The following TKT variants were observed in gnomAD, a reference collection of about 807,000 sequenced individuals.
TKT encodes the protein epididymis luminal protein 107.
Under a neutral mutation model 63.9 loss-of-function variants are expected in TKT, and 47 were observed. The ratio of observed to expected loss-of-function variants is 0.74; its 90% CI spans 0.58 to 0.94. The LOEUF is 0.94. TKT is among the 40% of genes least tolerant of loss of function. The pLI is 0.00. For missense variants in TKT, 721 were observed against 846.2 expected (o/e 0.85, Z 1.84); for synonymous variants, 338 against 334.1 (o/e 1.01, Z -0.13).
chr3:53,232,463 C>T (rs781929807), intron 6 of TKT: 14 of 398,838 alleles, frequency 3.5e-5, no homozygotes, highest in East Asian at 2.1e-4. Flanking sequence ...GCAGGGAAGC[C>T]GACCCAGGCC....
intron 1 of TKT, among the ~76,000 whole-genome samples, chr3:53,246,005 C>A (rs549582833): frequency 6.6e-6 from 1 of 152,226 alleles, no homozygotes; most frequent in East Asian, 1.9e-4. Context: ...CAGTGGCTCA[C>A]ACCTGTAATC....
chr3:53,229,625 G>A (rs549008203), intron 8 of TKT, among the ~76,000 whole-genome samples, 189 bp from the exon 9 acceptor site: 3 of 152,284 alleles, frequency 2.0e-5, no homozygotes, highest in Non-Finnish European at 4.4e-5. Flanking sequence ...GGGGTCCGAG[G>A]GCAGCAGCCT....
chr3:53,252,701 T>C (rs1292744395), intron 1 of TKT, among the ~76,000 whole-genome samples: 1 of 152,186 alleles, frequency 6.6e-6, no homozygotes, highest in Admixed American at 6.5e-5. Context: ...TCCACTCTTT[T>C]GGAGCACCCT....
At chr3:53,231,590 C>A in intron 6 of TKT, 40 bp from the exon 7 acceptor site, 1 of 1,576,152 alleles carries the variant, frequency 6.3e-7, no homozygotes. Context: ...ATGGGTAAGA[C>A]AGAAGCTCCC....
chr3:53,248,364 C>T (rs1218390658), intron 1 of TKT, among the ~76,000 whole-genome samples: 2 of 152,154 alleles, frequency 1.3e-5, no homozygotes, highest in African/African-American at 4.8e-5. Flanking sequence ...AAGGGCTGGG[C>T]GTGGTGGCTC....
At chr3:53,229,951 T>C (rs1450315539) in intron 8 of TKT, among the ~76,000 whole-genome samples, 3 of 152,176 alleles carry the variant, frequency 2.0e-5, no homozygotes, top group African/African-American at 4.8e-5. Flanking sequence ...TTTGAAAACA[T>C]GGACAAAACA....
At chr3:53,234,752 C>T (rs1553678085) in intron 5 of TKT, 2 of 428,920 alleles carry the variant, frequency 4.7e-6, no homozygotes, top group Non-Finnish European at 8.2e-6. Context: ...GCCACCATGC[C>T]ACAACCACGA....
rs1188021380 is a variant in TKT at position 53,226,783 on chromosome 3, G to A, written c.1669C>T (p.Leu557Phe). Residue 557 changes from leucine (L) to phenylalanine (F), a missense_variant, in exon 13 of 14, where the codon CTC (leucine) becomes TTC (phenylalanine). Physicochemically the swap from Leu to Phe is conservative, Grantham distance 22. Transcript: ENST00000462138. ...DSARATKGRI[L>F]TVEDHYYEGG... is the part of the protein sequence containing the mutation. ...TCATAATAATGGTCCTCCACGGTGAGGATCCTGCCCTTGGTGGCACGAGCG... is the reference window on the plus strand; with the variant it reads ...TCATAATAATGGTCCTCCACGGTGAAGATCCTGCCCTTGGTGGCACGAGCG... 1 of 1,614,074 alleles carries A rather than the reference G, an allele frequency of 6.2e-7. No individual in the cohort carries two copies. Among genetic ancestry groups the A allele is most frequent in the African/African-American group, 1.3e-5 (1 of 74,942 alleles).
At chr3:53,254,644 A>C (rs1162461972) in intron 1 of TKT, among the ~76,000 whole-genome samples, 1 of 152,186 alleles carries the variant, frequency 6.6e-6, no homozygotes, top group Non-Finnish European at 1.5e-5. Context: ...ATGAGCCCGG[A>C]GCACTGCTGG....
rs574752634 is a variant in TKT, at chr3:53,255,235, AG to A, written c.107+600del. Reference sequence around the variant, plus strand: ...CCCAGGGGTGGCAGGAGACAGGGGTAGGGGAGCGTAGTCTGAGGTGGGGAGA... The same window carrying A: ...CCCAGGGGTGGCAGGAGACAGGGGTAGGGAGCGTAGTCTGAGGTGGGGAGA... On this transcript the variant is annotated intron_variant, in intron 1 of 13. Coordinates refer to ENST00000462138, the MANE Select transcript of TKT (RefSeq NM_001064.4). 3.1e-3 allele frequency among the ~76,000 whole-genome samples: 465 copies of A among 152,298 alleles called. 2 individuals are homozygous for A. Among genetic ancestry groups the A allele is most frequent in the African/African-American group, 0.011 (448 of 41,584 alleles).
intron 1 of TKT, among the ~76,000 whole-genome samples, chr3:53,251,693 C>T (rs1553681672): frequency 6.6e-6 from 1 of 152,222 alleles, no homozygotes; most frequent in East Asian, 1.9e-4. Context: ...CAAAGCTAGA[C>T]ATGGTAGCAC....
chr3:53,245,646 G>A lies in TKT; in HGVS notation c.108-3404C>T, dbSNP rs557030510. On this transcript the variant is annotated intron_variant, in intron 1 of 13. Coordinates refer to ENST00000462138, the MANE Select transcript of TKT (RefSeq NM_001064.4). ...CTAAAAATACAAAAATTAGCCGGGC[G>A]TGGTGGCACATGCCTATAATCCCAG... is the stretch of plus-strand genomic sequence containing the variant. 1.6e-4 allele frequency among the ~76,000 whole-genome samples: 24 copies of A among 152,104 alleles called. No homozygotes were observed. The South Asian group carries it at 4.1e-3, about 26-fold the overall frequency.
intron 6 of TKT, chr3:53,232,078 C>T (rs1052287976): frequency 5.8e-6 from 2 of 344,768 alleles, no homozygotes; most frequent in African/African-American, 2.1e-5. Context: ...CCCCATGGCA[C>T]CTTGTTGTGT....
intron 1 of TKT, among the ~76,000 whole-genome samples, chr3:53,252,638 C>A (rs782751516): frequency 2.0e-5 from 3 of 152,050 alleles, no homozygotes; most frequent in Admixed American, 6.6e-5. Flanking sequence ...GGGGTAACGG[C>A]GGTGAGGAAA....
chr3:53,231,464 G>A lies in TKT; in HGVS notation c.835C>T (p.Gln279Ter). Reference sequence around the variant, plus strand: ...GTTGCCAGGATCTTCTTTTTGCTCTGGATCTGGCTGTAGATCTCCTGGATG... The same window carrying A: ...GTTGCCAGGATCTTCTTTTTGCTCTAGATCTGGCTGTAGATCTCCTGGATG... Reference protein sequence around the residue: ...QIIQEIYSQIQSKKKILATPP... With the variant: ...QIIQEIYSQI Residue 279 changes from glutamine (Q) to a stop codon, truncating the protein, a stop_gained, in exon 7 of 14, where the codon CAG becomes TAG. Transcript: ENST00000462138. LOFTEE classifies it high-confidence loss of function. 6.2e-7 allele frequency: 1 copy of A among 1,614,178 alleles called. No individual in the cohort carries two copies. Among genetic ancestry groups the A allele is most frequent in the Non-Finnish European group, 8.5e-7 (1 of 1,180,030 alleles).
chr3:53,229,299 G>C lies in TKT; in HGVS notation c.1245C>G (p.Ser415=). 2 of 1,614,042 alleles carry C rather than the reference G, an allele frequency of 1.2e-6. No homozygotes were observed. The highest frequency in any genetic ancestry group is 2.2e-5 in the South Asian group (2 of 91,062). ...ISESNINLCG[S]HCGVSIGEDG... ...ACTCACCGATGGAAACGCCGCAGTG[G>C]GAGCCGCAGAGGTTGATGTTGCTCT... Residue 415 remains serine, a synonymous_variant, in exon 9 of 14, where the codon TCC becomes TCG. Coordinates refer to ENST00000462138, the MANE Select transcript of TKT (RefSeq NM_001064.4).
At position 53,230,628 on chromosome 3, in the gene TKT, G is replaced by C; in HGVS notation, c.943-7C>G. ...AGGCCTTGCGGGTGGCTATCTGTGA[G>C]GAAGAGAGTGGGAAGGCTCTGGACC... On this transcript the variant is annotated splice_polypyrimidine_tract_variant and splice_region_variant and intron_variant, in intron 7 of 13. Transcript: ENST00000462138. 1 of 1,613,984 alleles carries C rather than the reference G, an allele frequency of 6.2e-7. No homozygotes were observed. Among genetic ancestry groups the C allele is most frequent in the Non-Finnish European group, 8.5e-7 (1 of 1,179,908 alleles).
At chr3:53,248,416 G>A (rs1705607501) in intron 1 of TKT, among the ~76,000 whole-genome samples, 1 of 152,210 alleles carries the variant, frequency 6.6e-6, no homozygotes, top group African/African-American at 2.4e-5. Flanking sequence ...AAGGCAGGAA[G>A]AGGACTTGAG....
chr3:53,251,704 A>C (rs1304419503), intron 1 of TKT, among the ~76,000 whole-genome samples: 1 of 152,208 alleles, frequency 6.6e-6, no homozygotes, highest in African/African-American at 2.4e-5. Flanking sequence ...ATGGTAGCAC[A>C]TGTCTGTGGT....
Sources: allele counts gnomAD v4.1 joint callset (sites outside exome capture counted in the v4.1 genomes callset), GRCh38; gene constraint gnomAD v4.1.1; transcripts MANE v1.5; gene names NCBI Gene and HGNC (gene_info 2026-07-23, HGNC 2026-07-21).